Variants in PPP1R21 observed in about 807,000 individuals in gnomAD.
PPP1R21 encodes protein phosphatase 1 regulatory subunit 21.
In PPP1R21, 85 loss-of-function variants were observed where a neutral mutation model predicts 112.8. The observed-to-expected ratio is 0.75, with a 90% CI of 0.63 to 0.90. The LOEUF is 0.90. PPP1R21 is among the 40% of genes least tolerant of loss of function. The pLI, the probability that PPP1R21 is intolerant of heterozygous loss-of-function variation, is 0.00. For synonymous variants in PPP1R21, 381 were observed against 322.3 expected, an observed-to-expected ratio of 1.18 and a Z score of -1.95; for missense variants, 1,199 against 901.5, an observed-to-expected ratio of 1.33 and a Z score of -4.23.
rs1437446733 is a variant in PPP1R21, at chr2:48,440,769, C to G, written c.-185C>G. 9 of 604,530 alleles carry G rather than the reference C, an allele frequency of 1.5e-5. No homozygotes were observed. Among genetic ancestry groups the G allele is most frequent in the Non-Finnish European group, 2.6e-5 (9 of 341,776 alleles). 37.4% of individuals were successfully genotyped at this position (604,530 alleles called of 1,614,324 possible). ...TGGTCGCTCCGCCCCCGGCCCCACT[C>G]CACCTTCCTCCCACCCCGGGAACCC... On this transcript the variant is annotated 5_prime_UTR_variant, in exon 1 of 22. Transcript: ENST00000294952.
intron 15 of PPP1R21, among the ~76,000 whole-genome samples, chr2:48,494,858 C>G (rs1034957754): frequency 2.0e-5 from 3 of 152,148 alleles, no homozygotes; most frequent in African/African-American, 7.2e-5. Context: ...GCTTGGATTA[C>G]AGGTGTGTGC....
At chr2:48,492,643 A>G (rs541017395) in intron 15 of PPP1R21, among the ~76,000 whole-genome samples, 1 of 152,364 alleles carries the variant, frequency 6.6e-6, no homozygotes, top group Admixed American at 6.5e-5. Context: ...GTTGTAGGCC[A>G]TGTGGCTTGT....
Position 48,450,910 on chromosome 2 carries a change from G to T in PPP1R21, c.58-98G>T, listed in dbSNP as rs1667441923. Reference sequence around the variant, plus strand: ...TCATATATATGTGAGAAGCTACTTAGTTACTCAGTGTAATGATGCCTGTAA... The same window carrying T: ...TCATATATATGTGAGAAGCTACTTATTTACTCAGTGTAATGATGCCTGTAA... On this transcript the variant is annotated intron_variant, in intron 1 of 21. Coordinates refer to ENST00000294952, the MANE Select transcript of PPP1R21 (RefSeq NM_001135629.3). 5.5e-6 allele frequency: 5 copies of T among 917,362 alleles called. No individual in the cohort carries two copies. In the African/African-American group the frequency reaches 6.6e-5, roughly 12 times the overall value. 56.8% of individuals were successfully genotyped at this position (917,362 alleles called of 1,614,324 possible).
At chr2:48,485,791 T>G (rs1307956030) in intron 13 of PPP1R21, among the ~76,000 whole-genome samples, 1 of 150,712 alleles carries the variant, frequency 6.6e-6, no homozygotes, top group Non-Finnish European at 1.5e-5. Flanking sequence ...TCTAAATTAA[T>G]GAAATTGTTT....
At chr2:48,498,948 A>G (rs568150314) in intron 17 of PPP1R21, among the ~76,000 whole-genome samples, 2 of 152,232 alleles carry the variant, frequency 1.3e-5, no homozygotes, top group Admixed American at 6.5e-5. Flanking sequence ...CTGTCTGGTT[A>G]GGGTCTGTTT....
chr2:48,480,593 T>G (rs1156415547), intron 13 of PPP1R21, among the ~76,000 whole-genome samples: 2 of 152,204 alleles, frequency 1.3e-5, no homozygotes, highest in Non-Finnish European at 2.9e-5. Flanking sequence ...TTCATATGCT[T>G]CTTAGCGTGT....
chr2:48,443,294 G>A (rs539727155), intron 1 of PPP1R21, among the ~76,000 whole-genome samples: 1 of 152,164 alleles, frequency 6.6e-6, no homozygotes, highest in African/African-American at 2.4e-5. Context: ...AGAAGAGCCC[G>A]TTCAGAGTGA....
chr2:48,506,361 T>A (rs967738603), intron 18 of PPP1R21, among the ~76,000 whole-genome samples: 2 of 152,168 alleles, frequency 1.3e-5, no homozygotes, highest in African/African-American at 4.8e-5. Context: ...CCCAAAGTGC[T>A]GGGATTACAG....
intron 16 of PPP1R21, among the ~76,000 whole-genome samples, chr2:48,497,916 G>A (rs1669924450): frequency 6.6e-6 from 1 of 152,100 alleles, no homozygotes. Context: ...CTCCTAAAGT[G>A]CTGGGATTAC....
chr2:48,511,434 G>C lies in PPP1R21; in HGVS notation c.2279G>C (p.Arg760Thr). The change falls in exon 21 of 22, where the codon AGA (arginine) becomes ACA (threonine). Residue 760 changes from arginine to threonine, a missense_variant. By Grantham distance (71) the Arg-to-Thr change is moderately conservative. Transcript: ENST00000294952. ...CSMNETLSKQ[R>T]EEIDTLKMSS... Reference sequence around the variant, plus strand: ...ATGAATGAGACATTATCTAAACAGAGAGAAGAGATTGACACACTAAAGATG... The same window carrying C: ...ATGAATGAGACATTATCTAAACAGACAGAAGAGATTGACACACTAAAGATG... 1 of 1,614,094 alleles carries C rather than the reference G, an allele frequency of 6.2e-7. No homozygotes were observed. The highest frequency in any genetic ancestry group is 8.5e-7 in the Non-Finnish European group (1 of 1,180,010).
At chr2:48,504,645 A>G (rs1054715480) in intron 17 of PPP1R21, among the ~76,000 whole-genome samples, 2 of 126,452 alleles carry the variant, frequency 1.6e-5, no homozygotes, top group African/African-American at 5.0e-5. Flanking sequence ...TGTCTCAGAA[A>G]CAAACAAACA....
At chr2:48,474,275 C>G (rs1409792796) in intron 11 of PPP1R21, among the ~76,000 whole-genome samples, 2 of 152,050 alleles carry the variant, frequency 1.3e-5, no homozygotes, top group African/African-American at 4.8e-5. Context: ...CCCAGCAACT[C>G]AGGAGGCTGA....
intron 15 of PPP1R21, 92 bp downstream of exon 15, chr2:48,491,262 A>G: frequency 2.2e-6 from 3 of 1,368,602 alleles, no homozygotes; most frequent in African/African-American, 1.5e-5. Context: ...TATATTGTTG[A>G]CTTTTTATAC....
intron 21 of PPP1R21, among the ~76,000 whole-genome samples, chr2:48,512,230 T>A (rs1670672649): frequency 6.6e-6 from 1 of 152,138 alleles, no homozygotes; most frequent in African/African-American, 2.4e-5. Flanking sequence ...TTGCCCAGAC[T>A]GAGATAGTAG....
At chr2:48,501,548 T>A (rs1331032601) in intron 17 of PPP1R21, among the ~76,000 whole-genome samples, 1 of 152,196 alleles carries the variant, frequency 6.6e-6, no homozygotes, top group Non-Finnish European at 1.5e-5. Flanking sequence ...TCACATGAAG[T>A]CACACACTTG....
At chr2:48,447,950 A>AAAAT (rs1010069507) in intron 1 of PPP1R21, among the ~76,000 whole-genome samples, 24 of 152,014 alleles carry the variant, frequency 1.6e-4, no homozygotes, top group East Asian at 5.8e-4. Flanking sequence ...ACTCAGTCTC[A>AAAAT]AAATAAATAA....
chr2:48,465,672 GC>G, intron 9 of PPP1R21, 30 bp downstream of exon 9: 1 of 1,597,212 alleles, frequency 6.3e-7, no homozygotes. Flanking sequence ...CATTTTGTTT[GC>G]CCTGAACAAA....
At chr2:48,486,586 C>T (rs752389905) in intron 13 of PPP1R21, 45 bp from the exon 14 acceptor site, 10 of 1,443,596 alleles carry the variant, frequency 6.9e-6, no homozygotes, top group Non-Finnish European at 9.7e-6. Flanking sequence ...CTGTATGTGA[C>T]TTATATATAG....
chr2:48,498,400 G>T (rs1443558349), intron 16 of PPP1R21, 93 bp from the exon 17 acceptor site: 2 of 1,208,940 alleles, frequency 1.7e-6, no homozygotes, highest in Non-Finnish European at 1.2e-6. Context: ...CCTCTGTGGG[G>T]TAGTTTTGGT....
Sources: gnomAD v4.1 joint callset for allele counts (sites outside exome capture counted in the v4.1 genomes callset) on GRCh38, gnomAD v4.1.1 for gene constraint, MANE v1.5 for transcripts, NCBI Gene and HGNC (gene_info 2026-07-23, HGNC 2026-07-21) for gene names.